SGCZ: variants seen among roughly 807,000 people sequenced by gnomAD.
The protein encoded by SGCZ is sarcoglycan zeta.
A neutral mutation model predicts 41.3 loss-of-function variants in SGCZ; 40 were observed. That is an observed-to-expected ratio of 0.97 (90% CI 0.75 to 1.26). The LOEUF is 1.26. Among genes scored for constraint, SGCZ ranks in the 50% most tolerant of loss-of-function variants. SGCZ has a pLI of 0.00. For synonymous variants in SGCZ, 206 were observed against 137.5 expected (o/e 1.50, Z -3.49); for missense variants, 552 against 369.8 (o/e 1.49, Z -4.04).
chr8:14,685,413 G>A (rs1808581341), intron 1 of SGCZ, among the ~76,000 whole-genome samples: 2 of 151,980 alleles, frequency 1.3e-5, no homozygotes, highest in South Asian at 4.1e-4. Flanking sequence ...AATGAAAATG[G>A]TTAATTTTTC....
At chr8:14,441,739 T>C (rs1800277201) in intron 2 of SGCZ, among the ~76,000 whole-genome samples, 1 of 152,194 alleles carries the variant, frequency 6.6e-6, no homozygotes, top group African/African-American at 2.4e-5. Flanking sequence ...CTCTTCTTAC[T>C]TCTCTCCTTA....
At chr8:15,051,676 T>TA (rs931705279) in intron 1 of SGCZ, among the ~76,000 whole-genome samples, 31 of 152,288 alleles carry the variant, frequency 2.0e-4, no homozygotes, top group African/African-American at 7.0e-4. Context: ...TACCATTTTT[T>TA]AAAAAAATTT....
chr8:14,782,344 C>T (rs1002637328), intron 1 of SGCZ, among the ~76,000 whole-genome samples: 1 of 152,160 alleles, frequency 6.6e-6, no homozygotes, highest in African/African-American at 2.4e-5. Context: ...ACACTCATCT[C>T]CCCAGGAACC....
At chr8:14,830,095 C>G (rs1313153935) in intron 1 of SGCZ, among the ~76,000 whole-genome samples, 1 of 152,180 alleles carries the variant, frequency 6.6e-6, no homozygotes, top group Non-Finnish European at 1.5e-5. Flanking sequence ...CAGGCATGAG[C>G]CACCGCACCC....
chr8:14,973,619 C>G (rs909734461), intron 1 of SGCZ, among the ~76,000 whole-genome samples: 38 of 152,084 alleles, frequency 2.5e-4, no homozygotes, highest in Non-Finnish European at 4.3e-4. Context: ...ACTCCTTTTC[C>G]AAGAGATCAG....
chr8:15,156,236 A>AT (rs981152986), intron 1 of SGCZ, among the ~76,000 whole-genome samples: 3 of 152,142 alleles, frequency 2.0e-5, no homozygotes, highest in Admixed American at 6.5e-5. Context: ...AACGCAGACT[A>AT]TGAGTCCTGA....
intron 1 of SGCZ, among the ~76,000 whole-genome samples, chr8:14,822,761 A>C (rs77491499): frequency 0.029 from 4,439 of 152,276 alleles, 189 homozygotes; most frequent in African/African-American, 0.093. Context: ...GGAAAAAAAA[A>C]AGATATCCAC....
intron 2 of SGCZ, among the ~76,000 whole-genome samples, chr8:14,417,369 AG>A (rs1158095539): frequency 6.6e-6 from 1 of 151,860 alleles, no homozygotes; most frequent in Non-Finnish European, 1.5e-5. Context: ...TCTGAGGGTT[AG>A]GAAAATAGAC....
At chr8:14,514,792 T>C (rs1457656857) in intron 2 of SGCZ, among the ~76,000 whole-genome samples, 1 of 75,214 alleles carries the variant, frequency 1.3e-5, no homozygotes, top group Non-Finnish European at 2.8e-5. Flanking sequence ...AATGTGTGTG[T>C]GTGTGTGTGT....
At chr8:14,206,631 T>C (rs1585231330) in intron 4 of SGCZ, among the ~76,000 whole-genome samples, 1 of 152,200 alleles carries the variant, frequency 6.6e-6, no homozygotes. Flanking sequence ...TGTAAGTTTA[T>C]AGAACGATGT....
chr8:14,893,127 C>T (rs937890007), intron 1 of SGCZ, among the ~76,000 whole-genome samples: 1 of 152,114 alleles, frequency 6.6e-6, no homozygotes, highest in African/African-American at 2.4e-5. Context: ...TCCTGGCAGG[C>T]CCCATCCAAT....
chr8:14,759,388 A>C (rs896516374), intron 1 of SGCZ, among the ~76,000 whole-genome samples: 10 of 152,184 alleles, frequency 6.6e-5, no homozygotes, highest in Admixed American at 3.3e-4. Flanking sequence ...TGTTTTCTCA[A>C]ACTTTAATTC....
At chr8:14,609,262 C>T (rs1386121519) in intron 1 of SGCZ, among the ~76,000 whole-genome samples, 1 of 151,720 alleles carries the variant, frequency 6.6e-6, no homozygotes, top group African/African-American at 2.4e-5. Context: ...TATTTATTTC[C>T]TTATTAATTC....
At position 15,089,023 on chromosome 8, in the gene SGCZ, G is replaced by A. The variant is rs1357401147; in HGVS notation, c.39+148562C>T. ...TTTAACTAAACTTATTTGCATAGAA[G>A]ATATTAATGAGCAACACATTTTATT... On this transcript the variant is annotated intron_variant, in intron 1 of 7. Coordinates refer to ENST00000382080, the MANE Select transcript of SGCZ (RefSeq NM_139167.4). Among the ~76,000 whole-genome samples, 3 of 152,118 alleles carry A rather than the reference G, an allele frequency of 2.0e-5. No individual in the cohort carries two copies. In the East Asian group the frequency reaches 5.8e-4, roughly 29 times the overall value.
At chr8:14,113,962 T>C (rs1802447894) in intron 5 of SGCZ, among the ~76,000 whole-genome samples, 1 of 152,078 alleles carries the variant, frequency 6.6e-6, no homozygotes, top group African/African-American at 2.4e-5. Context: ...ATCTAAATTA[T>C]AGTATCTGTG....
intron 2 of SGCZ, among the ~76,000 whole-genome samples, chr8:14,327,583 G>T (rs1011806963): frequency 6.6e-6 from 1 of 152,178 alleles, no homozygotes; most frequent in African/African-American, 2.4e-5. Context: ...TGATGAGATG[G>T]CTGGAAATAA....
At chr8:14,698,094 T>A (rs1809023256) in intron 1 of SGCZ, among the ~76,000 whole-genome samples, 1 of 152,040 alleles carries the variant, frequency 6.6e-6, no homozygotes, top group Non-Finnish European at 1.5e-5. Context: ...CCTTCGTATT[T>A]AATAACTACT....
chr8:14,315,827 C>T (rs912563394), intron 3 of SGCZ, among the ~76,000 whole-genome samples: 2 of 150,156 alleles, frequency 1.3e-5, no homozygotes, highest in South Asian at 2.1e-4. Flanking sequence ...CAAACTAAAA[C>T]TGGTTCTAAG....
rs191126070 is a variant in SGCZ, at chr8:15,108,182, C to T, written c.39+129403G>A. 1.9e-4 allele frequency among the ~76,000 whole-genome samples: 29 copies of T among 152,172 alleles called. 1 individual carries two copies. Among genetic ancestry groups the T allele is most frequent in the Admixed American group, 6.5e-5 (1 of 15,286 alleles). Reference sequence around the variant, plus strand: ...TTTTCCATGCGTTAATTTTGCTGCTCTTTTAATAACTTAATTTAAAATTTT... The same window carrying T: ...TTTTCCATGCGTTAATTTTGCTGCTTTTTTAATAACTTAATTTAAAATTTT... On this transcript the variant is annotated intron_variant, in intron 1 of 7. Coordinates refer to ENST00000382080, the MANE Select transcript of SGCZ (RefSeq NM_139167.4).
Sources: gnomAD v4.1 joint callset for allele counts (sites outside exome capture counted in the v4.1 genomes callset) on GRCh38, gnomAD v4.1.1 for gene constraint, MANE v1.5 for transcripts, NCBI Gene and HGNC (gene_info 2026-07-23, HGNC 2026-07-21) for gene names.